Variants in ANK3 observed in about 807,000 individuals in gnomAD.
ANK3 encodes the protein ankyrin-3.
ANK3 carries 57 observed loss-of-function variants against 370.9 expected under a neutral mutation model. The observed-to-expected ratio is 0.15, with a 90% CI of 0.12 to 0.19. The LOEUF is 0.19. Ranked by LOEUF, ANK3 falls within the 10% of genes least tolerant of loss-of-function variation. The pLI is 1.00. For missense variants in ANK3, 4,439 were observed against 5,302.1 expected, an observed-to-expected ratio of 0.84 and a Z score of 5.06; for synonymous variants, 1,929 against 1,946.3, an observed-to-expected ratio of 0.99 and a Z score of 0.23.
At chr10:60,189,766 T>C (rs971525787) in intron 16 of ANK3, among the ~76,000 whole-genome samples, 11 of 152,216 alleles carry the variant, frequency 7.2e-5, no homozygotes, top group African/African-American at 2.7e-4. Flanking sequence ...CCTCTTGATG[T>C]AGAGGACCAA....
chr10:60,411,575 C>G (rs1438227036), intron 2 of ANK3, among the ~76,000 whole-genome samples: 1 of 152,104 alleles, frequency 6.6e-6, no homozygotes, highest in Non-Finnish European at 1.5e-5. Flanking sequence ...CTAACTCCAG[C>G]TGGGGCAGGT....
At chr10:60,094,181 A>ATTTTTT (rs1169437967) in intron 28 of ANK3, among the ~76,000 whole-genome samples, 9 of 116,384 alleles carry the variant, frequency 7.7e-5, no homozygotes, top group Non-Finnish European at 5.2e-5. Context: ...ACAGTATTCT[A>ATTTTTT]TTTTTTTTTT....
chr10:60,587,717 A>G (rs543872517), intron 2 of ANK3, among the ~76,000 whole-genome samples: 3 of 152,318 alleles, frequency 2.0e-5, no homozygotes, highest in African/African-American at 7.2e-5. Context: ...AACATTATTT[A>G]CCTTTAGAGG....
At chr10:60,356,051 C>A (rs1335655021) in intron 1 of ANK3, among the ~76,000 whole-genome samples, 1 of 152,134 alleles carries the variant, frequency 6.6e-6, no homozygotes, top group Non-Finnish European at 1.5e-5. Context: ...CAAGAACGAA[C>A]AAAATATGTG....
chr10:60,240,493 G>A (rs891903254), intron 7 of ANK3, among the ~76,000 whole-genome samples: 1 of 151,362 alleles, frequency 6.6e-6, no homozygotes, highest in Admixed American at 6.6e-5. Flanking sequence ...TAGTAGAGAC[G>A]AGGTTTCTCC....
At chr10:60,103,227 G>T (rs1419502663) in intron 28 of ANK3, among the ~76,000 whole-genome samples, 1 of 150,722 alleles carries the variant, frequency 6.6e-6, no homozygotes, top group African/African-American at 2.5e-5. Context: ...TGGGATTACA[G>T]GCGTGAACCA....
At chr10:60,239,280 C>T (rs138453113) in intron 7 of ANK3, among the ~76,000 whole-genome samples, 57 of 151,962 alleles carry the variant, frequency 3.8e-4, no homozygotes, top group African/African-American at 1.4e-3. Flanking sequence ...AAATACAAAT[C>T]CAGAAAGCTC....
chr10:60,055,911 T>G lies in ANK3; in HGVS notation c.12812A>C (p.Gln4271Pro). The stretch of plus-strand genomic sequence containing the variant: ...GGTACTCTGTTTTCCTACATCATTT[T>G]GGGATTCTGGAAAGTAAGATTTTGT... ...AKTKSYFPES[Q>P]NDVGKQSTKE... Residue 4271 changes from glutamine (Q) to proline (P), a missense_variant, in exon 42 of 44, where the codon CAA (glutamine) becomes CCA (proline). By Grantham distance (76) the Gln-to-Pro change is moderately conservative. Coordinates refer to ENST00000280772, the MANE Select transcript of ANK3 (RefSeq NM_020987.5). The G allele has an allele frequency of 6.2e-7, 1 of 1,614,214 alleles. No homozygotes were observed. Among genetic ancestry groups the G allele is most frequent in the Non-Finnish European group, 8.5e-7 (1 of 1,180,036 alleles).
chr10:60,395,624 C>CTTTCTTTCTTTCTTTCTT lies in ANK3; in HGVS notation c.97-115986_97-115985insAAGAAAGAAAGAAAGAAA, dbSNP rs60220666. Among the ~76,000 whole-genome samples, 3 of 61,300 alleles carry CTTTCTTTCTTTCTTTCTT rather than the reference C, an allele frequency of 4.9e-5. No homozygotes were observed. In the East Asian group the frequency reaches 1.5e-3, roughly 30 times the overall value. The allele number at this position is 61,300 out of a possible 152,430, so 40.2% of individuals were successfully genotyped here. On this transcript the variant is annotated intron_variant, in intron 2 of 43. Transcript: ENST00000373827. ...TCTTTCTTTCTCTCTTTCGTTCTCTCTCTCTCTCTCTCTCTCTCTCTCTCT... is the reference window on the plus strand; with the variant it reads ...TCTTTCTTTCTCTCTTTCGTTCTCTCTTTCTTTCTTTCTTTCTTTCTCTCTCTCTCTCTCTCTCTCTCT...
chr10:60,620,925 T>C (rs892159015), intron 1 of ANK3, among the ~76,000 whole-genome samples: 31 of 152,164 alleles, frequency 2.0e-4, no homozygotes, highest in African/African-American at 7.5e-4. Context: ...GAGGTAGGAA[T>C]TAGTATTGTT....
chr10:60,728,623 A>G (rs1904418), intron 1 of ANK3, among the ~76,000 whole-genome samples: 46,152 of 151,986 alleles, frequency 0.3, 7,382 homozygotes, highest in South Asian at 0.47. Context: ...CCTTAGAAAT[A>G]CTTTTTTCCA....
chr10:60,663,971 G>A (rs935596225), intron 1 of ANK3, among the ~76,000 whole-genome samples: 1 of 152,196 alleles, frequency 6.6e-6, no homozygotes, highest in Non-Finnish European at 1.5e-5. Context: ...CTTATCTGCC[G>A]AATCATGTAG....
At chr10:60,109,231 G>A (rs1254412751) in intron 26 of ANK3, among the ~76,000 whole-genome samples, 177 bp from the exon 27 acceptor site, 1 of 152,150 alleles carries the variant, frequency 6.6e-6, no homozygotes, top group Non-Finnish European at 1.5e-5. Context: ...TTTAACTTGT[G>A]CACTTTGCAA....
chr10:60,675,820 A>G (rs758753929), intron 1 of ANK3, among the ~76,000 whole-genome samples: 1 of 152,248 alleles, frequency 6.6e-6, no homozygotes, highest in Non-Finnish European at 1.5e-5. Flanking sequence ...AAAAGGTGAT[A>G]AGAAATAAAA....
intron 1 of ANK3, among the ~76,000 whole-genome samples, chr10:60,656,583 A>G (rs2078866961): frequency 6.6e-6 from 1 of 152,084 alleles, no homozygotes; most frequent in Admixed American, 6.6e-5. Context: ...CTAGTTTCCC[A>G]AAGTGTGAAT....
At chr10:60,141,284 A>G (rs975169355) in intron 23 of ANK3, among the ~76,000 whole-genome samples, 81 of 152,276 alleles carry the variant, frequency 5.3e-4, no homozygotes, top group African/African-American at 1.8e-3. Context: ...TCTTTCAACT[A>G]TTTAATATGG....
chr10:60,172,392 A>G lies in ANK3; in HGVS notation c.2394T>C (p.Thr798=). The change falls in exon 21 of 44, where the codon ACT becomes ACC. Residue 798 remains threonine, a synonymous_variant. Coordinates refer to ENST00000280772, the MANE Select transcript of ANK3 (RefSeq NM_020987.5). Reference sequence around the variant, plus strand: ...CGAGGCGCCGGGCAATGCCAAGGGCAGTATTCCCATTCTGGCAAAAGGAAA... The same window carrying G: ...CGAGGCGCCGGGCAATGCCAAGGGCGGTATTCCCATTCTGGCAAAAGGAAA... The part of the protein sequence containing the change: ...SPNELTVNGN[T]ALGIARRLGY... 6.2e-7 allele frequency: 1 copy of G among 1,613,928 alleles called. No individual in the cohort carries two copies.
chr10:60,098,145 T>C (rs1021178402), intron 28 of ANK3, among the ~76,000 whole-genome samples: 14 of 151,782 alleles, frequency 9.2e-5, no homozygotes, highest in African/African-American at 2.4e-4. Context: ...GGGATGGATA[T>C]GACAAAAAAA....
intron 1 of ANK3, among the ~76,000 whole-genome samples, chr10:60,645,523 C>T (rs180999394): frequency 1.6e-3 from 239 of 152,070 alleles, no homozygotes; most frequent in Middle Eastern, 3.4e-3. Context: ...GTCAGGAGTT[C>T]GAGACTAGCC....
Sources: allele counts gnomAD v4.1 joint callset (sites outside exome capture counted in the v4.1 genomes callset), GRCh38; gene constraint gnomAD v4.1.1; transcripts MANE v1.5; gene names NCBI Gene and HGNC (gene_info 2026-07-23, HGNC 2026-07-21).